Variants in DNAH14 observed in about 807,000 individuals in gnomAD.
The protein encoded by DNAH14 is axonemal beta dynein heavy chain 14.
A neutral mutation model predicts 520.9 loss-of-function variants in DNAH14; 478 were observed. That is an observed-to-expected ratio of 0.92 (90% CI 0.85 to 0.99). The LOEUF is 0.99. Among genes scored for constraint, DNAH14 ranks in the 50% least tolerant of loss-of-function variants. The pLI is 0.00. For missense variants in DNAH14, 4,831 were observed against 5,234.5 expected (o/e 0.92, Z 2.38); for synonymous variants, 1,581 against 1,757.2 (o/e 0.90, Z 2.51).
chr1:225,266,640 G>T lies in DNAH14; in HGVS notation c.7411-1G>T. ...GTTTAAAACCTTTTGTCTTTCTTAA[G>T]ATTCTAATATTTATTGATGATATGA... On this transcript the variant is annotated splice_acceptor_variant, in intron 48 of 85. Transcript: ENST00000682510. LOFTEE classifies it high-confidence loss of function. The T allele has an allele frequency of 6.7e-7, 1 of 1,482,664 alleles. No homozygotes were observed. Among genetic ancestry groups the T allele is most frequent in the Non-Finnish European group, 8.9e-7 (1 of 1,121,690 alleles). 91.8% of individuals were successfully genotyped at this position (1,482,664 alleles called of 1,614,324 possible).
chr1:225,202,340 A>C (rs2086950739), intron 38 of DNAH14, among the ~76,000 whole-genome samples: 1 of 152,186 alleles, frequency 6.6e-6, no homozygotes, highest in African/African-American at 2.4e-5. Flanking sequence ...GTCTGAGCTC[A>C]GACTCTCCTT....
intron 2 of DNAH14, 39 bp downstream of exon 2, chr1:224,952,818 G>A: frequency 2.0e-6 from 3 of 1,484,644 alleles, no homozygotes; most frequent in Non-Finnish European, 2.7e-6. Context: ...TTTTTCTAAA[G>A]TAAGATTTCA....
chr1:225,062,046 G>GC (rs2070204297), intron 17 of DNAH14, among the ~76,000 whole-genome samples: 1 of 152,078 alleles, frequency 6.6e-6, no homozygotes. Flanking sequence ...CCTCTGTAAT[G>GC]CCAGCAATTT....
At chr1:225,187,320 CTAT>C (rs1315718814) in intron 37 of DNAH14, among the ~76,000 whole-genome samples, 4 of 151,798 alleles carry the variant, frequency 2.6e-5, no homozygotes, top group Admixed American at 1.3e-4. Flanking sequence ...CCCTATTCTC[CTAT>C]CTTCCCATTC....
intron 48 of DNAH14, among the ~76,000 whole-genome samples, 199 bp downstream of exon 48, chr1:225,265,568 G>A (rs960238615): frequency 1.3e-5 from 2 of 152,054 alleles, no homozygotes; most frequent in Non-Finnish European, 2.9e-5. Context: ...TACTGATTCA[G>A]AATTATTAAG....
At chr1:225,175,242 T>C (rs575920687) in intron 36 of DNAH14, among the ~76,000 whole-genome samples, 48 of 152,296 alleles carry the variant, frequency 3.2e-4, no homozygotes, top group Non-Finnish European at 1.2e-4. Context: ...TGGTATTAGT[T>C]CTTCTTTAAA....
chr1:225,387,347 G>A (rs958235455), intron 81 of DNAH14, among the ~76,000 whole-genome samples: 1 of 151,926 alleles, frequency 6.6e-6, no homozygotes, highest in Admixed American at 6.6e-5. Context: ...TACCAAACCT[G>A]CACGTTGTGC....
intron 8 of DNAH14, among the ~76,000 whole-genome samples, chr1:224,984,300 C>G (rs1195434262): frequency 2.0e-5 from 3 of 152,114 alleles, no homozygotes; most frequent in African/African-American, 7.2e-5. Context: ...GAAAGGACTC[C>G]CTTTTTAACA....
rs1469049623 is a variant in DNAH14, at chr1:225,335,443, GTA to G, written c.10081-1821_10081-1820del. 1.4e-4 allele frequency among the ~76,000 whole-genome samples: 17 copies of G among 119,132 alleles called. 1 individual carries two copies. Among genetic ancestry groups the G allele is most frequent in the African/African-American group, 4.2e-4 (12 of 28,828 alleles). 78.2% of individuals were successfully genotyped at this position (119,132 alleles called of 152,430 possible). On this transcript the variant is annotated intron_variant, in intron 66 of 85. Coordinates refer to ENST00000682510, the MANE Select transcript of DNAH14 (RefSeq NM_001367479.1). ...CATATGCACGTGTGTACATGTGTGT[GTA>G]TGCACATATGCACGTGTGTACATGT... is the stretch of plus-strand genomic sequence containing the variant.
intron 27 of DNAH14, among the ~76,000 whole-genome samples, chr1:225,131,161 ATTTTC>A (rs1397309475): frequency 6.6e-6 from 1 of 152,142 alleles, no homozygotes; most frequent in Non-Finnish European, 1.5e-5. Flanking sequence ...AAGTAGAACT[ATTTTC>A]TTAAAGATGT....
chr1:225,302,067 CAGTT>C (rs1213326447), intron 56 of DNAH14, among the ~76,000 whole-genome samples: 5 of 148,400 alleles, frequency 3.4e-5, no homozygotes, highest in African/African-American at 4.9e-5. Flanking sequence ...CCAAGAATCT[CAGTT>C]AGAAGTCAAT....
rs554481877 is a variant in DNAH14, at chr1:225,276,799, G to A, written c.8179-611G>A. 6.8e-4 allele frequency among the ~76,000 whole-genome samples: 103 copies of A among 150,692 alleles called. 1 individual carries two copies. The highest frequency in any genetic ancestry group is 2.4e-3 in the African/African-American group (100 of 40,922). ...GGCATTGTGGTGCCAGTGCCTGCTT[G>A]TAAGTCCCAGCTACACAGGGCTGAG... On this transcript the variant is annotated intron_variant, in intron 53 of 85. Transcript: ENST00000682510.
chr1:225,374,145 C>CTATATATATATATAGATATATATATATA (rs2095656299), intron 77 of DNAH14, among the ~76,000 whole-genome samples: 1 of 33,064 alleles, frequency 3.0e-5, no homozygotes, highest in Non-Finnish European at 5.0e-5. Context: ...TTGTGTCTTA[C>CTATATATATATATAGATATATATATATA]TATATATATA....
rs536349676 is a variant in DNAH14, at chr1:224,996,483, A to G, written c.831-6300A>G. Among the ~76,000 whole-genome samples, 10 of 152,242 alleles carry G rather than the reference A, an allele frequency of 6.6e-5. No individual in the cohort carries two copies. The South Asian group carries it at 1.9e-3, about 28-fold the overall frequency. On this transcript the variant is annotated intron_variant, in intron 8 of 85. Transcript: ENST00000682510. ...GTCATAGATTTTCTTTGGCAGAGAT[A>G]CACCTTTCACTGTTTAGCTTGTTAT...
At chr1:225,103,640 C>G (rs1036169260) in intron 23 of DNAH14, among the ~76,000 whole-genome samples, 3 of 152,022 alleles carry the variant, frequency 2.0e-5, no homozygotes, top group Non-Finnish European at 2.9e-5. Flanking sequence ...GTATTTTATT[C>G]TCTTTGAAGC....
chr1:225,190,130 C>T (rs1245260362), intron 37 of DNAH14, among the ~76,000 whole-genome samples: 1 of 151,842 alleles, frequency 6.6e-6, no homozygotes, highest in East Asian at 1.9e-4. Context: ...AGTACTGAAC[C>T]CTATATATAC....
chr1:225,262,024 A>G (rs1180707861), intron 46 of DNAH14, among the ~76,000 whole-genome samples: 4 of 152,062 alleles, frequency 2.6e-5, no homozygotes, highest in Non-Finnish European at 5.9e-5. Context: ...GGGCAGCTAT[A>G]AACTATTTTC....
rs2095287896 is a variant in DNAH14, at chr1:225,346,473, A to G, written c.11115A>G (p.Leu3705=). 1.3e-6 allele frequency: 2 copies of G among 1,550,252 alleles called. No individual in the cohort carries two copies. The highest frequency in any genetic ancestry group is 1.7e-6 in the Non-Finnish European group (2 of 1,146,650). Residue 3705 remains leucine, a synonymous_variant, in exon 71 of 86, where the codon CTA becomes CTG. Coordinates refer to ENST00000682510, the MANE Select transcript of DNAH14 (RefSeq NM_001367479.1). ...KSIFKVVSSA[L]FNEDKLCFSF... ...CCCTATAGGTGGTTTCTTCAGCTCTATTTAATGAAGATAAACTTTGCTTCT... is the reference window on the plus strand; with the variant it reads ...CCCTATAGGTGGTTTCTTCAGCTCTGTTTAATGAAGATAAACTTTGCTTCT...
At chr1:225,204,557 G>A (rs1012334725) in intron 39 of DNAH14, among the ~76,000 whole-genome samples, 14 of 152,138 alleles carry the variant, frequency 9.2e-5, no homozygotes, top group South Asian at 6.2e-4. Context: ...AAACAATGAT[G>A]TGATAAGCAC....
Sources: gnomAD v4.1 joint callset for allele counts (sites outside exome capture counted in the v4.1 genomes callset) on GRCh38, gnomAD v4.1.1 for gene constraint, MANE v1.5 for transcripts, NCBI Gene and HGNC (gene_info 2026-07-23, HGNC 2026-07-21) for gene names.